The following RUNX1 variants were observed in gnomAD, a reference collection of about 807,000 sequenced individuals.
RUNX1 encodes RUNX family transcription factor 1.
A neutral mutation model predicts 42.8 loss-of-function variants in RUNX1; 19 were observed. That is an observed-to-expected ratio of 0.44 (90% confidence interval 0.31 to 0.65). RUNX1 has a LOEUF of 0.65. Among genes scored for constraint, RUNX1 ranks in the 30% least tolerant of loss-of-function variants. The probability of loss-of-function intolerance (pLI) is 0.07; values close to 1 mark genes in which losing one functional copy is unlikely to be tolerated. For synonymous variants in RUNX1, 271 were observed against 289.4 expected, an observed-to-expected ratio of 0.94 and a Z score of 0.64; for missense variants, 528 against 672.0, an observed-to-expected ratio of 0.79 and a Z score of 2.37.
At chr21:34,921,051 G>T (rs1217664513) in intron 2 of RUNX1, among the ~76,000 whole-genome samples, 1 of 152,104 alleles carries the variant, frequency 6.6e-6, no homozygotes, top group Non-Finnish European at 1.5e-5. Flanking sequence ...TAGAGTCGGG[G>T]TTTCACCATG....
At chr21:34,797,061 C>A (rs2056539357) in intron 8 of RUNX1, among the ~76,000 whole-genome samples, 1 of 152,170 alleles carries the variant, frequency 6.6e-6, no homozygotes, top group Non-Finnish European at 1.5e-5. Context: ...ATGTATTCCA[C>A]CCCCCTCCTG....
chr21:34,969,342 A>G (rs990195925), intron 2 of RUNX1, among the ~76,000 whole-genome samples: 1 of 152,076 alleles, frequency 6.6e-6, no homozygotes, highest in African/African-American at 2.4e-5. Context: ...CCACAAACCC[A>G]TCTCTTCTAA....
chr21:34,946,416 C>T (rs2058563538), intron 2 of RUNX1, among the ~76,000 whole-genome samples: 1 of 152,158 alleles, frequency 6.6e-6, no homozygotes, highest in Admixed American at 6.5e-5. Flanking sequence ...GCCCCTAGAG[C>T]TGTGTGGACT....
At chr21:34,985,808 C>T (rs1033857482) in intron 2 of RUNX1, among the ~76,000 whole-genome samples, 10 of 149,824 alleles carry the variant, frequency 6.7e-5, no homozygotes, top group African/African-American at 2.5e-4. Flanking sequence ...ATGTGGTATG[C>T]GGTGTAACAA....
intron 6 of RUNX1, among the ~76,000 whole-genome samples, chr21:34,842,807 G>T (rs1456070735): frequency 1.3e-5 from 2 of 152,118 alleles, no homozygotes; most frequent in African/African-American, 4.8e-5. Flanking sequence ...GGTGGCTCAT[G>T]CCTGTAATCC....
At chr21:34,864,119 C>G (rs2057621274) in intron 5 of RUNX1, among the ~76,000 whole-genome samples, 1 of 152,240 alleles carries the variant, frequency 6.6e-6, no homozygotes, top group African/African-American at 2.4e-5. Flanking sequence ...GCCACATGCT[C>G]TGCCCTCCAC....
chr21:35,021,504 A>G (rs992608094), intron 2 of RUNX1, among the ~76,000 whole-genome samples: 1 of 152,276 alleles, frequency 6.6e-6, no homozygotes, highest in Admixed American at 6.5e-5. Context: ...GTGTGCACAT[A>G]CACATAATAT....
chr21:34,968,525 G>A (rs2058737362), intron 2 of RUNX1, among the ~76,000 whole-genome samples: 1 of 152,126 alleles, frequency 6.6e-6, no homozygotes, highest in South Asian at 2.1e-4. Flanking sequence ...CTCCTCAGTG[G>A]CCTCCCTGTT....
At chr21:34,850,941 T>C (rs1205171519) in intron 6 of RUNX1, among the ~76,000 whole-genome samples, 1 of 152,196 alleles carries the variant, frequency 6.6e-6, no homozygotes, top group Non-Finnish European at 1.5e-5. Context: ...TGAGTATGTA[T>C]TGTGTGCCAG....
chr21:34,910,428 T>G (rs1431634271), intron 2 of RUNX1, among the ~76,000 whole-genome samples: 1 of 92 alleles, frequency 0.011, no homozygotes, highest in Non-Finnish European at 0.029. Flanking sequence ...TTCTGGGAAC[T>G]AAGAAACAAA....
At chr21:34,863,804 T>C (rs7282616) in intron 5 of RUNX1, among the ~76,000 whole-genome samples, 27,773 of 152,136 alleles carry the variant, frequency 0.18, 2,684 homozygotes, top group Middle Eastern at 0.28. Context: ...TCCGCCCACC[T>C]TGGCCTCCCA....
chr21:34,825,905 A>G (rs1274796568), intron 7 of RUNX1, among the ~76,000 whole-genome samples: 1 of 152,256 alleles, frequency 6.6e-6, no homozygotes, highest in East Asian at 1.9e-4. Flanking sequence ...AGTCTGATAC[A>G]GTCACAAGCC....
chr21:34,875,085 G>C (rs1050137343), intron 5 of RUNX1, among the ~76,000 whole-genome samples: 1 of 152,228 alleles, frequency 6.6e-6, no homozygotes, highest in African/African-American at 2.4e-5. Flanking sequence ...GACGCCATCA[G>C]CAATGCCTGA....
intron 6 of RUNX1, among the ~76,000 whole-genome samples, chr21:34,836,801 C>T (rs755473696): frequency 1.3e-5 from 2 of 152,208 alleles, no homozygotes; most frequent in East Asian, 1.9e-4. Context: ...GTGATGTGAG[C>T]GAGGTCATTC....
At chr21:34,898,244 T>C (rs879915238) in intron 2 of RUNX1, among the ~76,000 whole-genome samples, 2 of 152,214 alleles carry the variant, frequency 1.3e-5, no homozygotes, top group Non-Finnish European at 2.9e-5. Flanking sequence ...TTTGGCCTTA[T>C]GAAGCTGTGA....
chr21:34,902,788 G>C (rs1411229288), intron 2 of RUNX1, among the ~76,000 whole-genome samples: 3 of 152,172 alleles, frequency 2.0e-5, no homozygotes, highest in Admixed American at 2.0e-4. Context: ...CACAAAACAA[G>C]AGGCTTGGAC....
At chr21:34,977,137 G>A (rs2025668721) in intron 2 of RUNX1, among the ~76,000 whole-genome samples, 1 of 152,172 alleles carries the variant, frequency 6.6e-6, no homozygotes, top group Non-Finnish European at 1.5e-5. Context: ...TACTGACTAT[G>A]GCTATTGTGT....
At chr21:35,042,253 A>G (rs145731437) in intron 2 of RUNX1, among the ~76,000 whole-genome samples, 32 of 152,390 alleles carry the variant, frequency 2.1e-4, no homozygotes, top group African/African-American at 7.2e-4. Flanking sequence ...ATGGGTCAAC[A>G]ATAAATATTC....
intron 2 of RUNX1, among the ~76,000 whole-genome samples, chr21:34,934,189 T>C (rs527589134): frequency 6.6e-6 from 1 of 152,302 alleles, no homozygotes; most frequent in African/African-American, 2.4e-5. Flanking sequence ...TCTTTTGCTT[T>C]CACTTTTACT....
Sources: gnomAD v4.1 joint callset for allele counts (sites outside exome capture counted in the v4.1 genomes callset) on GRCh38, gnomAD v4.1.1 for gene constraint, MANE v1.5 for transcripts, NCBI Gene and HGNC (gene_info 2026-07-23, HGNC 2026-07-21) for gene names.